Variants in ELSPBP1 observed in about 807,000 individuals in gnomAD.
The protein encoded by ELSPBP1 is epididymal sperm binding protein 1, also known as epididymal sperm-binding protein 1.
In ELSPBP1, 38 loss-of-function variants were observed where a neutral mutation model predicts 33.3. That is an observed-to-expected ratio of 1.14 (90% confidence interval 0.88 to 1.50). The LOEUF (loss-of-function observed/expected upper bound fraction) is 1.50, where lower values mean the gene tolerates loss of function less well. Among genes scored for constraint, ELSPBP1 ranks in the 40% most tolerant of loss-of-function variants. ELSPBP1 has a pLI of 0.00. For synonymous variants in ELSPBP1, 85 were observed against 94.1 expected, an observed-to-expected ratio of 0.90 and a Z score of 0.56; for missense variants, 267 against 263.5, an observed-to-expected ratio of 1.01 and a Z score of -0.09.
At chr19:48,014,138 T>C in intron 2 of ELSPBP1, 33 bp from the exon 3 acceptor site, 1 of 1,606,250 alleles carries the variant, frequency 6.2e-7, no homozygotes, top group Non-Finnish European at 8.5e-7. Flanking sequence ...TCGTGATTCT[T>C]CCCCACTCCT....
At chr19:48,017,721 G>A (rs116685293) in intron 4 of ELSPBP1, among the ~76,000 whole-genome samples, 4,038 of 151,744 alleles carry the variant, frequency 0.027, 82 homozygotes, top group African/African-American at 0.055. Flanking sequence ...AGGAAGACCC[G>A]CTCTGTAAAA....
At chr19:48,010,699 G>T (rs1046937393) in intron 2 of ELSPBP1, among the ~76,000 whole-genome samples, 1 of 150,472 alleles carries the variant, frequency 6.6e-6, no homozygotes, top group Non-Finnish European at 1.5e-5. Context: ...AGGGTGAAGG[G>T]CAGGACCAAA....
chr19:48,005,611 T>C (rs1003595833), intron 1 of ELSPBP1, among the ~76,000 whole-genome samples: 9 of 152,324 alleles, frequency 5.9e-5, no homozygotes, highest in Non-Finnish European at 1.0e-4. Flanking sequence ...TGGGAGGCAG[T>C]TGAAAATACA....
At position 48,022,280 on chromosome 19, in the gene ELSPBP1, G is replaced by A; in HGVS notation, c.625G>A (p.Ala209Thr). 6.2e-7 allele frequency: 1 copy of A among 1,613,530 alleles called. No homozygotes were observed. ...EGSKENLVWC[A>T]TSYNYDQDHT... is the part of the protein sequence containing the mutation. ...ATCAAAGGAGAACCTTGTGTGGTGT[G>A]CAACTTCTTACAACTACGACCAAGA... The change falls in exon 6 of 7, where the codon GCA becomes ACA. Residue 209 changes from alanine to threonine, a missense_variant. Coordinates refer to ENST00000339841, the MANE Select transcript of ELSPBP1 (RefSeq NM_022142.5).
chr19:48,015,084 G>A (rs149244861), intron 3 of ELSPBP1, among the ~76,000 whole-genome samples: 1 of 152,224 alleles, frequency 6.6e-6, no homozygotes, highest in East Asian at 1.9e-4. Context: ...TAACACATAT[G>A]TTTTATGTCT....
chr19:47,999,899 T>C (rs1966950168), intron 1 of ELSPBP1, among the ~76,000 whole-genome samples: 1 of 151,834 alleles, frequency 6.6e-6, no homozygotes, highest in Non-Finnish European at 1.5e-5. Flanking sequence ...CATAGCTCAC[T>C]GCAGCCTCAA....
At chr19:48,020,648 A>G (rs773360085) in intron 5 of ELSPBP1, among the ~76,000 whole-genome samples, 27 of 152,160 alleles carry the variant, frequency 1.8e-4, no homozygotes, top group Non-Finnish European at 3.1e-4. Flanking sequence ...CAAATCCTCC[A>G]TCCACCAGGT....
At chr19:48,008,393 T>C (rs371993888) in intron 1 of ELSPBP1, among the ~76,000 whole-genome samples, 1 of 152,158 alleles carries the variant, frequency 6.6e-6, no homozygotes, top group Non-Finnish European at 1.5e-5. Context: ...CCACCATGCC[T>C]GGCTAATTTA....
intron 2 of ELSPBP1, among the ~76,000 whole-genome samples, chr19:48,012,852 A>G (rs1967092419): frequency 6.6e-6 from 1 of 152,226 alleles, no homozygotes; most frequent in Non-Finnish European, 1.5e-5. Context: ...TATAATATAA[A>G]AAAGCACTAC....
intron 1 of ELSPBP1, among the ~76,000 whole-genome samples, chr19:47,996,780 A>C (rs1421103958): frequency 6.6e-6 from 1 of 152,182 alleles, no homozygotes; most frequent in Non-Finnish European, 1.5e-5. Context: ...ATTTTCAGGA[A>C]AGTTTGAAAG....
At position 48,014,248 on chromosome 19, in the gene ELSPBP1, T is replaced by C; in HGVS notation, c.148T>C (p.Ser50Pro). 1 of 1,614,012 alleles carries C rather than the reference T, an allele frequency of 6.2e-7. No individual in the cohort carries two copies. The highest frequency in any genetic ancestry group is 1.7e-5 in the Admixed American group (1 of 60,008). Residue 50 changes from serine to proline, a missense_variant, in exon 3 of 7, where the codon TCC becomes CCC. By Grantham distance (74) the Ser-to-Pro change is moderately conservative (BLOSUM62 -1). Transcript: ENST00000339841. ...CACTTGCACCCATATTCATAGCTTA[T>C]CCCCTTGGTGTGCCACCAGAGCCGT... ...YFTCTHIHSL[S>P]PWCATRAVYN...
intron 4 of ELSPBP1, among the ~76,000 whole-genome samples, chr19:48,016,457 TTTCTTTCC>T (rs879850033): frequency 0.26 from 7,771 of 29,616 alleles, 755 homozygotes; most frequent in East Asian, 0.49. Flanking sequence ...TTCTCTTTCT[TTTCTTTCC>T]TTCTTTCTTT....
At chr19:47,995,967 C>T (rs1035429788) in intron 1 of ELSPBP1, among the ~76,000 whole-genome samples, 1 of 152,150 alleles carries the variant, frequency 6.6e-6, no homozygotes, top group Admixed American at 6.5e-5. Context: ...CTCTTGGGCA[C>T]CCTATCAGGG....
At chr19:48,023,500 GAAAAGAGGAAGGA>G (rs1967232716) in intron 6 of ELSPBP1, among the ~76,000 whole-genome samples, 1 of 88,582 alleles carries the variant, frequency 1.1e-5, no homozygotes, top group Admixed American at 1.1e-4. Flanking sequence ...GGGAGGGAAG[GAAAAGAGGAAGGA>G]AATAAGGAAG....
chr19:48,008,337 A>G (rs1302305891), intron 1 of ELSPBP1, among the ~76,000 whole-genome samples: 3 of 152,104 alleles, frequency 2.0e-5, no homozygotes, highest in African/African-American at 7.2e-5. Flanking sequence ...GGCTCAAGTG[A>G]TCCTCTTGCC....
intron 2 of ELSPBP1, among the ~76,000 whole-genome samples, chr19:48,010,187 T>G (rs960934692): frequency 6.6e-6 from 1 of 152,146 alleles, no homozygotes. Flanking sequence ...ATATGAATAT[T>G]CTCCTAGAGA....
At chr19:48,023,048 A>G (rs1967219497) in intron 6 of ELSPBP1, among the ~76,000 whole-genome samples, 1 of 151,650 alleles carries the variant, frequency 6.6e-6, no homozygotes, top group African/African-American at 2.4e-5. Flanking sequence ...TGTCTAAGAA[A>G]GAAAAAGAGA....
chr19:48,007,005 A>G lies in ELSPBP1; in HGVS notation c.-17-1646A>G, dbSNP rs950237930. Among the ~76,000 whole-genome samples, 7 of 152,030 alleles carry G rather than the reference A, an allele frequency of 4.6e-5. No homozygotes were observed. In the South Asian group the frequency reaches 1.5e-3, roughly 32 times the overall value. ...AGTGGTGCCACCTACCTGTGGGAGG[A>G]CTTAAATCAGTAACTTTGGGATTTT... is the stretch of plus-strand genomic sequence containing the variant. On this transcript the variant is annotated intron_variant, in intron 1 of 6. Coordinates refer to ENST00000339841, the MANE Select transcript of ELSPBP1 (RefSeq NM_022142.5).
chr19:48,004,728 A>T (rs1967000157), intron 1 of ELSPBP1, among the ~76,000 whole-genome samples: 1 of 152,104 alleles, frequency 6.6e-6, no homozygotes, highest in Non-Finnish European at 1.5e-5. Context: ...GAAGAGTTGT[A>T]TTTGTTTCTG....
Sources: gnomAD v4.1 joint callset for allele counts (sites outside exome capture counted in the v4.1 genomes callset) on GRCh38, gnomAD v4.1.1 for gene constraint, MANE v1.5 for transcripts, NCBI Gene and HGNC (gene_info 2026-07-23, HGNC 2026-07-21) for gene names.